Variants in CNKSR2 observed in about 807,000 individuals in gnomAD.
CNKSR2 encodes the protein CNK homolog protein 2.
CNKSR2 carries 14 observed loss-of-function variants against 84.4 expected under a neutral mutation model. The observed-to-expected ratio is 0.17, with a 90% CI of 0.11 to 0.26. The LOEUF is 0.26. Among genes scored for constraint, CNKSR2 ranks in the 10% least tolerant of loss-of-function variants. The pLI, the probability that CNKSR2 is intolerant of heterozygous loss-of-function variation, is 1.00. For missense variants in CNKSR2, 485 were observed against 771.2 expected (o/e 0.63, Z 4.40); for synonymous variants, 275 against 277.9 (o/e 0.99, Z 0.10).
At chrX:21,436,102 C>T (rs1185463883) in intron 3 of CNKSR2, among the ~76,000 whole-genome samples, 1 of 111,012 alleles carries the variant, frequency 9.0e-6, no homozygotes, top group Non-Finnish European at 1.9e-5. Context: ...TTACAGAGAC[C>T]AAGAAAACCA....
At chrX:21,559,470 A>G (rs2092168289) in intron 11 of CNKSR2, among the ~76,000 whole-genome samples, 1 of 111,274 alleles carries the variant, frequency 9.0e-6, no homozygotes, top group South Asian at 3.8e-4. Flanking sequence ...TTGTTCATAC[A>G]TTGCATGTCT....
chrX:21,459,546 T>C, intron 4 of CNKSR2, among the ~76,000 whole-genome samples: 1 of 110,469 alleles, frequency 9.1e-6, no homozygotes, highest in East Asian at 2.9e-4. Context: ...TACTAGATCT[T>C]CCATCTCCTA....
At chrX:21,480,893 T>A (rs922393191) in intron 5 of CNKSR2, among the ~76,000 whole-genome samples, 1 of 112,120 alleles carries the variant, frequency 8.9e-6, no homozygotes, top group Non-Finnish European at 1.9e-5. Context: ...ATTAAAATAT[T>A]TGATATTTAC....
At chrX:21,552,099 GA>G (rs761761441) in intron 11 of CNKSR2, among the ~76,000 whole-genome samples, 2,689 of 84,526 alleles carry the variant, frequency 0.032, 91 homozygotes, top group African/African-American at 0.1. Context: ...TCCCCCATGA[GA>G]AAAAAAAAAA....
intron 4 of CNKSR2, among the ~76,000 whole-genome samples, chrX:21,464,668 A>G (rs983126334): frequency 3.6e-5 from 4 of 111,314 alleles, no homozygotes; most frequent in African/African-American, 1.3e-4. Context: ...GCTGGACAAG[A>G]ACATTTCATC....
intron 3 of CNKSR2, 46 bp downstream of exon 3, chrX:21,432,860 A>G: frequency 8.8e-7 from 1 of 1,142,532 alleles, no homozygotes; most frequent in Non-Finnish European, 1.2e-6. Context: ...CTCAGACACC[A>G]GTTTGAATAT....
intron 13 of CNKSR2, among the ~76,000 whole-genome samples, chrX:21,583,563 G>A (rs781556467): frequency 4.5e-5 from 5 of 111,479 alleles, no homozygotes; most frequent in Non-Finnish European, 7.5e-5. Context: ...AGAAGCTATT[G>A]GTTTGACTAG....
chrX:21,570,218 A>G (rs772960892), intron 13 of CNKSR2, among the ~76,000 whole-genome samples: 67 of 112,581 alleles, frequency 6.0e-4, no homozygotes, highest in Non-Finnish European at 1.0e-3. Flanking sequence ...TGAAAATTCT[A>G]TTGTTTAGTG....
intron 11 of CNKSR2, among the ~76,000 whole-genome samples, chrX:21,535,164 C>T (rs2091916686): frequency 9.0e-6 from 1 of 110,992 alleles, no homozygotes; most frequent in Admixed American, 9.6e-5. Context: ...GTTCTTGTTG[C>T]CTTTGTCAAA....
chrX:21,374,669 C>T lies in CNKSR2; in HGVS notation c.-229C>T, dbSNP rs1041007474. On this transcript the variant is annotated 5_prime_UTR_variant, in exon 1 of 22. Transcript: ENST00000379510. ...CCGCCTTAGCGGGAACTGAGCAGACCCGGCGCGGAGCCACGACTCCTGCAC... is the reference window on the plus strand; with the variant it reads ...CCGCCTTAGCGGGAACTGAGCAGACTCGGCGCGGAGCCACGACTCCTGCAC... 49 of 511,764 alleles carry T rather than the reference C, an allele frequency of 9.6e-5. No homozygotes were observed. The highest frequency in any genetic ancestry group is 5.2e-5 in the Non-Finnish European group (15 of 288,763). The allele number at this position is 511,764 out of a possible 1,213,427, so 42.2% of individuals were successfully genotyped here.
At chrX:21,645,371 A>T (rs2092703911) in intron 20 of CNKSR2, 1 of 112,297 alleles carries the variant, frequency 8.9e-6, no homozygotes, top group Non-Finnish European at 1.9e-5. Context: ...CTGACACAGG[A>T]CTAATTTACA....
intron 4 of CNKSR2, among the ~76,000 whole-genome samples, chrX:21,470,061 A>G (rs2091178950): frequency 8.9e-6 from 1 of 112,130 alleles, no homozygotes; most frequent in Non-Finnish European, 1.9e-5. Flanking sequence ...CCCGTTTTAT[A>G]AATTTTGTGA....
intron 8 of CNKSR2, among the ~76,000 whole-genome samples, chrX:21,510,995 A>G (rs746479999): frequency 1.8e-5 from 2 of 111,761 alleles, no homozygotes; most frequent in Non-Finnish European, 3.8e-5. Flanking sequence ...GGTTCATTTT[A>G]GCCCATGAAA....
At chrX:21,518,212 A>G (rs1371632954) in intron 9 of CNKSR2, among the ~76,000 whole-genome samples, 1 of 110,923 alleles carries the variant, frequency 9.0e-6, no homozygotes, top group East Asian at 2.8e-4. Flanking sequence ...TTTTCACTGC[A>G]TTATAATTTG....
intron 20 of CNKSR2, among the ~76,000 whole-genome samples, chrX:21,620,904 T>A (rs1337355389): frequency 9.0e-6 from 1 of 111,427 alleles, no homozygotes; most frequent in African/African-American, 3.3e-5. Context: ...AGAGGCTGAA[T>A]AACCAGCTAC....
chrX:21,454,205 T>TATTTGA (rs1286108410), intron 4 of CNKSR2, among the ~76,000 whole-genome samples: 1 of 111,580 alleles, frequency 9.0e-6, no homozygotes, highest in Non-Finnish European at 1.9e-5. Context: ...ATACTAAAAG[T>TATTTGA]CATATAGGTT....
At position 21,464,088 on chromosome X, in the gene CNKSR2, C is replaced by T. The variant is rs1418770414; in HGVS notation, c.520-6678C>T. Among the ~76,000 whole-genome samples, 3 of 112,097 alleles carry T rather than the reference C, an allele frequency of 2.7e-5. 1 individual carries two copies. The South Asian group carries it at 1.1e-3, about 42-fold the overall frequency. ...TTGCAGTTTATTTGGGGCCCCACAT[C>T]GCTGTAGCCCATGGTGGCGAAGCTT... On this transcript the variant is annotated intron_variant, in intron 4 of 21. Coordinates refer to ENST00000379510, the MANE Select transcript of CNKSR2 (RefSeq NM_014927.5).
intron 13 of CNKSR2, among the ~76,000 whole-genome samples, chrX:21,589,889 C>T (rs779890039): frequency 9.0e-6 from 1 of 110,818 alleles, no homozygotes; most frequent in East Asian, 2.8e-4. Flanking sequence ...TAAGTGATGA[C>T]ATGAAGGTAT....
chrX:21,475,877 A>G (rs1014406824), intron 5 of CNKSR2, among the ~76,000 whole-genome samples: 2 of 111,515 alleles, frequency 1.8e-5, no homozygotes, highest in Non-Finnish European at 1.9e-5. Flanking sequence ...TATACTTAAC[A>G]GTTGTCACTA....
Sources: allele counts gnomAD v4.1 joint callset (sites outside exome capture counted in the v4.1 genomes callset), GRCh38; gene constraint gnomAD v4.1.1; transcripts MANE v1.5; gene names NCBI Gene and HGNC (gene_info 2026-07-23, HGNC 2026-07-21).